SAMD12: variants seen among roughly 807,000 people sequenced by gnomAD.
SAMD12 encodes the protein sterile alpha motif domain-containing protein 12.
In SAMD12, 9 loss-of-function variants were observed where a neutral mutation model predicts 15.0. That is an observed-to-expected ratio of 0.60 (90% CI 0.36 to 1.05). SAMD12 has a LOEUF of 1.05. SAMD12 is among the 50% of genes least tolerant of loss of function. The pLI is 0.01. For missense variants in SAMD12, 230 were observed against 234.2 expected, an observed-to-expected ratio of 0.98 and a Z score of 0.12; for synonymous variants, 86 against 90.1, an observed-to-expected ratio of 0.96 and a Z score of 0.25.
intron 4 of SAMD12, among the ~76,000 whole-genome samples, chr8:118,341,674 G>C (rs73709926): frequency 0.1 from 15,866 of 152,080 alleles, 1,508 homozygotes; most frequent in African/African-American, 0.24. Context: ...CTCTGGGACC[G>C]CTTTTATAAG....
At chr8:118,448,718 T>TC (rs1822989152) in intron 2 of SAMD12, among the ~76,000 whole-genome samples, 1 of 152,238 alleles carries the variant, frequency 6.6e-6, no homozygotes, top group Admixed American at 6.5e-5. Context: ...TCAATTTTTT[T>TC]CTTTTTCAAC....
intron 4 of SAMD12, among the ~76,000 whole-genome samples, chr8:118,288,543 A>G (rs1032582348): frequency 2.6e-5 from 4 of 152,234 alleles, no homozygotes; most frequent in African/African-American, 9.6e-5. Context: ...ATAAACTACA[A>G]TTAGTCCACA....
chr8:118,419,373 A>T (rs974057001), intron 3 of SAMD12, among the ~76,000 whole-genome samples: 4 of 152,340 alleles, frequency 2.6e-5, no homozygotes, highest in East Asian at 1.9e-4. Flanking sequence ...CTGAGGTTTG[A>T]AAATGTGTGT....
chr8:118,531,200 G>T (rs60937446), intron 2 of SAMD12, among the ~76,000 whole-genome samples: 40,748 of 152,034 alleles, frequency 0.27, 6,468 homozygotes, highest in African/African-American at 0.44. Context: ...TTTCCCCATT[G>T]CTTGTTTTTC....
At chr8:118,435,803 C>A (rs185552916) in intron 3 of SAMD12, among the ~76,000 whole-genome samples, 14 of 152,210 alleles carry the variant, frequency 9.2e-5, no homozygotes, top group Admixed American at 9.2e-4. Context: ...TGGAAGTGAA[C>A]GCATCTTTAA....
chr8:118,331,295 C>G (rs899746560), intron 4 of SAMD12, among the ~76,000 whole-genome samples: 1 of 152,128 alleles, frequency 6.6e-6, no homozygotes, highest in Non-Finnish European at 1.5e-5. Flanking sequence ...ACCCAGGCAA[C>G]AGAAACCATT....
intron 4 of SAMD12, among the ~76,000 whole-genome samples, chr8:118,249,744 C>T (rs1034526948): frequency 6.6e-6 from 1 of 152,144 alleles, no homozygotes; most frequent in Non-Finnish European, 1.5e-5. Flanking sequence ...AGAAAACAGG[C>T]CTCCTTTGCT....
At chr8:118,173,908 G>A in the SAMD12 span, among the ~76,000 whole-genome samples, 1 of 151,942 alleles carries the variant, frequency 6.6e-6, no homozygotes, top group Non-Finnish European at 1.5e-5. Context: ...GGGATTGCAG[G>A]CATGAGCCAA....
At chr8:118,557,304 T>C (rs1181423143) in intron 2 of SAMD12, among the ~76,000 whole-genome samples, 1 of 152,208 alleles carries the variant, frequency 6.6e-6, no homozygotes, top group African/African-American at 2.4e-5. Context: ...TCCCCGCCTA[T>C]CATGACTGTA....
chr8:118,391,357 G>C (rs1820267765), intron 3 of SAMD12, among the ~76,000 whole-genome samples: 1 of 152,138 alleles, frequency 6.6e-6, no homozygotes, highest in African/African-American at 2.4e-5. Flanking sequence ...ACTTTTATTT[G>C]TCTGCATTTG....
intron 1 of SAMD12, among the ~76,000 whole-genome samples, chr8:118,591,782 CAT>C (rs376226578): frequency 1.1e-4 from 16 of 152,116 alleles, no homozygotes; most frequent in African/African-American, 3.9e-4. Flanking sequence ...CACCTCATAA[CAT>C]AGTTTCCACT....
intron 2 of SAMD12, among the ~76,000 whole-genome samples, chr8:118,554,962 T>G (rs1826480499): frequency 6.6e-6 from 1 of 152,198 alleles, no homozygotes; most frequent in African/African-American, 2.4e-5. Flanking sequence ...TTCTAACTCC[T>G]CTGTTTCTCT....
At chr8:118,560,788 A>G (rs1300521322) in intron 2 of SAMD12, among the ~76,000 whole-genome samples, 1 of 152,190 alleles carries the variant, frequency 6.6e-6, no homozygotes, top group African/African-American at 2.4e-5. Flanking sequence ...AAATCCAAAT[A>G]TCAGTAATAC....
intron 4 of SAMD12, among the ~76,000 whole-genome samples, chr8:118,207,443 GC>G (rs1819891918): frequency 6.6e-6 from 1 of 152,032 alleles, no homozygotes. Flanking sequence ...CCAGCTAAAA[GC>G]CCATTGAACC....
the SAMD12 span, among the ~76,000 whole-genome samples, chr8:118,182,040 G>A: frequency 6.6e-6 from 1 of 152,084 alleles, no homozygotes; most frequent in Non-Finnish European, 1.5e-5. Context: ...CCACTTGGCC[G>A]CAGTAGTCTC....
At chr8:118,145,827 G>A in the SAMD12 span, among the ~76,000 whole-genome samples, 1 of 152,174 alleles carries the variant, frequency 6.6e-6, no homozygotes, top group South Asian at 2.1e-4. Flanking sequence ...GTTGGCCCTG[G>A]TGCCACTGTT....
intron 3 of SAMD12, among the ~76,000 whole-genome samples, chr8:118,401,027 C>A (rs1185023242): frequency 6.6e-6 from 1 of 152,174 alleles, no homozygotes; most frequent in African/African-American, 2.4e-5. Context: ...CTAAACTGAA[C>A]AATTAGATGG....
At position 118,439,934 on chromosome 8, in the gene SAMD12, C is replaced by G; in HGVS notation, c.220G>C (p.Val74Leu). 1.9e-6 allele frequency: 3 copies of G among 1,613,676 alleles called. No individual in the cohort carries two copies. The highest frequency in any genetic ancestry group is 2.5e-6 in the Non-Finnish European group (3 of 1,179,672). ...KSATVKLSKPVALWTQQDVCK... is the reference protein window; with the variant it reads ...KSATVKLSKPLALWTQQDVCK... ...ACATCCTGCTGGGTCCATAGAGCCA[C>G]CGGTTTAGATAGCTTCACCGTAGCT... The change falls in exon 3 of 4, where the codon GTG becomes CTG. Residue 74 changes from valine to leucine, a missense_variant. By Grantham distance (32) the Val-to-Leu change is conservative (BLOSUM62 1). Coordinates refer to ENST00000314727, the MANE Select transcript of SAMD12 (RefSeq NM_207506.3).
chr8:118,596,274 T>C (rs1266073397), intron 1 of SAMD12, among the ~76,000 whole-genome samples: 1 of 152,164 alleles, frequency 6.6e-6, no homozygotes, highest in African/African-American at 2.4e-5. Context: ...GCCAGGAATA[T>C]TTAAATTCTA....
Sources: allele counts gnomAD v4.1 joint callset (sites outside exome capture counted in the v4.1 genomes callset), GRCh38; gene constraint gnomAD v4.1.1; transcripts MANE v1.5; gene names NCBI Gene and HGNC (gene_info 2026-07-23, HGNC 2026-07-21).